The following OMA1 variants were observed in gnomAD, a reference collection of about 807,000 sequenced individuals.
The protein encoded by OMA1 is OMA1 zinc metallopeptidase.
In OMA1, 38 loss-of-function variants were observed where a neutral mutation model predicts 30.9. The observed-to-expected ratio is 1.23, with a 90% CI of 0.95 to 1.61. OMA1 has a LOEUF of 1.61. Ranked by LOEUF, OMA1 falls within the 40% of genes most tolerant of loss-of-function variation. The pLI is 0.00. For missense variants in OMA1, 461 were observed against 349.2 expected (o/e 1.32, Z -2.55); for synonymous variants, 173 against 121.9 (o/e 1.42, Z -2.76).
Position 58,480,851 on chromosome 1 carries a change from T to C in OMA1, c.*114A>G. 1.5e-6 allele frequency: 1 copy of C among 655,568 alleles called. No homozygotes were observed. Among genetic ancestry groups the C allele is most frequent in the Non-Finnish European group, 2.6e-6 (1 of 391,626 alleles). 40.6% of individuals were successfully genotyped at this position (655,568 alleles called of 1,614,324 possible). Reference sequence around the variant, plus strand: ...TAGATAATATCTGTAATGTACATGATTTGACCCTGAATATCCTTTTTTTTT... The same window carrying C: ...TAGATAATATCTGTAATGTACATGACTTGACCCTGAATATCCTTTTTTTTT... On this transcript the variant is annotated 3_prime_UTR_variant, in exon 9 of 9. Coordinates refer to ENST00000371226, the MANE Select transcript of OMA1 (RefSeq NM_145243.5).
At chr1:58,509,685 A>C (rs145053308) in intron 7 of OMA1, among the ~76,000 whole-genome samples, 99 of 151,782 alleles carry the variant, frequency 6.5e-4, no homozygotes, top group Non-Finnish European at 8.1e-4. Flanking sequence ...ACAGAGAATA[A>C]AAAAATAGAA....
chr1:58,510,083 C>G (rs1056221013), intron 7 of OMA1, among the ~76,000 whole-genome samples: 1 of 152,106 alleles, frequency 6.6e-6, no homozygotes, highest in Non-Finnish European at 1.5e-5. Context: ...GTCAATGACT[C>G]TCAAAGTCTT....
At chr1:58,506,437 AC>A (rs1645991899) in intron 7 of OMA1, among the ~76,000 whole-genome samples, 1 of 152,218 alleles carries the variant, frequency 6.6e-6, no homozygotes, top group African/African-American at 2.4e-5. Context: ...TTATGTCACT[AC>A]ATGCTTTAAA....
At chr1:58,503,054 C>T (rs1315445843) in intron 8 of OMA1, among the ~76,000 whole-genome samples, 2 of 152,142 alleles carry the variant, frequency 1.3e-5, no homozygotes, top group African/African-American at 4.8e-5. Flanking sequence ...CAGTTTTTAC[C>T]TCTCCGAAGA....
At chr1:58,546,131 C>T (rs1376022043) in intron 1 of OMA1, among the ~76,000 whole-genome samples, 1 of 152,180 alleles carries the variant, frequency 6.6e-6, no homozygotes, top group African/African-American at 2.4e-5. Context: ...GACGAGTTTA[C>T]GAGGAAATTG....
At chr1:58,536,800 C>G in intron 2 of OMA1, 59 bp from the exon 3 acceptor site, 2 of 809,952 alleles carry the variant, frequency 2.5e-6, no homozygotes, top group Non-Finnish European at 4.3e-6. Flanking sequence ...ATCACTAAAG[C>G]TCAAATGCAT....
chr1:58,535,969 TGTTA>T (rs142160451), intron 3 of OMA1, among the ~76,000 whole-genome samples: 4,086 of 152,228 alleles, frequency 0.027, 181 homozygotes, highest in African/African-American at 0.092. Flanking sequence ...TTACATACTG[TGTTA>T]GTATTTAAAA....
At chr1:58,524,155 C>G (rs369343759) in intron 7 of OMA1, among the ~76,000 whole-genome samples, 1 of 152,304 alleles carries the variant, frequency 6.6e-6, no homozygotes, top group East Asian at 1.9e-4. Context: ...TCCCTTCTGC[C>G]TTAAATCTTG....
intron 8 of OMA1, among the ~76,000 whole-genome samples, chr1:58,488,352 TG>T (rs887631179): frequency 2.6e-5 from 4 of 152,234 alleles, no homozygotes; most frequent in Non-Finnish European, 5.9e-5. Context: ...AATAGGTTTT[TG>T]GGGAACAGGC....
At chr1:58,506,697 A>C (rs74482722) in intron 7 of OMA1, among the ~76,000 whole-genome samples, 2,503 of 152,342 alleles carry the variant, frequency 0.016, 54 homozygotes, top group East Asian at 0.12. Flanking sequence ...GTTTTAAAAT[A>C]TAATGTTATT....
intron 7 of OMA1, among the ~76,000 whole-genome samples, chr1:58,514,846 T>A (rs764274386): frequency 2.0e-5 from 3 of 152,178 alleles, no homozygotes; most frequent in Non-Finnish European, 4.4e-5. Flanking sequence ...CAGAAATGAA[T>A]GTACCTCCAC....
intron 7 of OMA1, among the ~76,000 whole-genome samples, chr1:58,518,647 G>A (rs1264345725): frequency 6.8e-6 from 1 of 148,136 alleles, no homozygotes; most frequent in Non-Finnish European, 1.5e-5. Context: ...AACCCTGGAG[G>A]ACTCCAGGGT....
intron 8 of OMA1, among the ~76,000 whole-genome samples, chr1:58,500,716 A>T (rs907443843): frequency 6.6e-6 from 1 of 152,168 alleles, no homozygotes; most frequent in African/African-American, 2.4e-5. Context: ...CAAATTAAAT[A>T]TTTTTCCTAT....
chr1:58,505,993 A>C (rs1645982607), intron 8 of OMA1, 67 bp downstream of exon 8: 1 of 774,898 alleles, frequency 1.3e-6, no homozygotes. Flanking sequence ...TAAGCAAAAG[A>C]AGTGACAGCA....
intron 7 of OMA1, among the ~76,000 whole-genome samples, chr1:58,524,816 T>A (rs1332559364): frequency 1.3e-5 from 2 of 152,200 alleles, no homozygotes; most frequent in African/African-American, 4.8e-5. Flanking sequence ...TTTACAGTAT[T>A]GCACTAAACA....
chr1:58,545,810 A>G (rs2100508680), intron 1 of OMA1, among the ~76,000 whole-genome samples: 1 of 152,310 alleles, frequency 6.6e-6, no homozygotes, highest in South Asian at 2.1e-4. Context: ...CAAAAATAGG[A>G]CATGTACTTT....
At chr1:58,521,534 A>G (rs889122429) in intron 7 of OMA1, among the ~76,000 whole-genome samples, 3 of 151,804 alleles carry the variant, frequency 2.0e-5, no homozygotes, top group African/African-American at 7.2e-5. Context: ...AAAATCTAGC[A>G]AAAAAAAGAC....
chr1:58,539,462 G>A (rs778163072), intron 1 of OMA1, among the ~76,000 whole-genome samples, 152 bp from the exon 2 acceptor site: 2 of 152,102 alleles, frequency 1.3e-5, no homozygotes, highest in Non-Finnish European at 2.9e-5. Context: ...CTAGAGCAAC[G>A]CCTTTCAGCA....
chr1:58,537,006 C>G (rs564232247), intron 2 of OMA1, among the ~76,000 whole-genome samples: 1 of 151,680 alleles, frequency 6.6e-6, no homozygotes, highest in Admixed American at 6.6e-5. Flanking sequence ...AAATGAGATG[C>G]TAGTTTACTA....
Sources: gnomAD v4.1 joint callset for allele counts (sites outside exome capture counted in the v4.1 genomes callset) on GRCh38, gnomAD v4.1.1 for gene constraint, MANE v1.5 for transcripts, NCBI Gene and HGNC (gene_info 2026-07-23, HGNC 2026-07-21) for gene names.